The following PDE6C variants were observed in gnomAD, a reference collection of about 807,000 sequenced individuals.
PDE6C encodes the protein cone cGMP-specific 3',5'-cyclic phosphodiesterase subunit alpha'.
Under a neutral mutation model 113.1 loss-of-function variants are expected in PDE6C, and 75 were observed. That is an observed-to-expected ratio of 0.66 (90% CI 0.55 to 0.80). PDE6C has a LOEUF of 0.80. Among genes scored for constraint, PDE6C ranks in the 30% least tolerant of loss-of-function variants. The pLI is 0.00. For missense variants in PDE6C, 912 were observed against 1,038.6 expected, an observed-to-expected ratio of 0.88 and a Z score of 1.67; for synonymous variants, 375 against 363.7, an observed-to-expected ratio of 1.03 and a Z score of -0.35.
chr10:93,638,283 G>A (rs541275304), intron 11 of PDE6C, among the ~76,000 whole-genome samples: 5 of 152,206 alleles, frequency 3.3e-5, no homozygotes, highest in East Asian at 1.9e-4. Context: ...CTCCCACCCA[G>A]GGCCTTTGCT....
At chr10:93,638,108 T>C (rs2058542649) in intron 11 of PDE6C, among the ~76,000 whole-genome samples, 1 of 152,208 alleles carries the variant, frequency 6.6e-6, no homozygotes, top group Admixed American at 6.5e-5. Flanking sequence ...TTCAGAGGAT[T>C]GAATTCCTTC....
intron 8 of PDE6C, among the ~76,000 whole-genome samples, chr10:93,632,964 T>A (rs2058508934): frequency 6.6e-6 from 1 of 152,148 alleles, no homozygotes; most frequent in Non-Finnish European, 1.5e-5. Flanking sequence ...CTTTATGAGT[T>A]AGAAAAATTA....
intron 16 of PDE6C, among the ~76,000 whole-genome samples, chr10:93,657,012 A>C (rs2058640755): frequency 6.6e-6 from 1 of 152,190 alleles, no homozygotes; most frequent in Non-Finnish European, 1.5e-5. Flanking sequence ...GGAGAAAAAA[A>C]CTAGTGATGC....
intron 15 of PDE6C, among the ~76,000 whole-genome samples, chr10:93,647,140 ATG>A (rs1207349608): frequency 6.6e-6 from 1 of 152,108 alleles, no homozygotes; most frequent in African/African-American, 2.4e-5. Context: ...AAAGTTGTGG[ATG>A]TTGTCTAATT....
At chr10:93,623,141 G>A (rs1276420649) in intron 4 of PDE6C, among the ~76,000 whole-genome samples, 2 of 152,200 alleles carry the variant, frequency 1.3e-5, no homozygotes, top group East Asian at 1.9e-4. Context: ...GGTATTAGCA[G>A]TTGCTGATGT....
chr10:93,652,220 G>A (rs1213618121), intron 15 of PDE6C, among the ~76,000 whole-genome samples: 1 of 152,116 alleles, frequency 6.6e-6, no homozygotes, highest in Non-Finnish European at 1.5e-5. Flanking sequence ...TGGCCAAAAC[G>A]TTTATCAGAC....
At chr10:93,622,288 G>GGTTT (rs2058450418) in intron 4 of PDE6C, among the ~76,000 whole-genome samples, 1 of 149,056 alleles carries the variant, frequency 6.7e-6, no homozygotes, top group Admixed American at 6.7e-5. Context: ...CAGCAAGTCT[G>GGTTT]TTTTTTTTTT....
intron 21 of PDE6C, among the ~76,000 whole-genome samples, chr10:93,665,081 C>A (rs183546716): frequency 1.7e-3 from 258 of 152,216 alleles, no homozygotes; most frequent in Non-Finnish European, 2.2e-3. Flanking sequence ...ATTGACCAGG[C>A]TGGTCTTGCA....
chr10:93,655,560 G>A (rs936301247), intron 15 of PDE6C, among the ~76,000 whole-genome samples, 200 bp from the exon 16 acceptor site: 2 of 126,034 alleles, frequency 1.6e-5, no homozygotes, highest in African/African-American at 6.1e-5. Flanking sequence ...CTTACTTAAA[G>A]TATAGTAGAG....
intron 7 of PDE6C, 78 bp from the exon 8 acceptor site, chr10:93,629,180 C>A: frequency 8.3e-7 from 1 of 1,212,042 alleles, no homozygotes; most frequent in Non-Finnish European, 1.2e-6. Context: ...CCAATGCGTT[C>A]TTTCTTATTC....
chr10:93,626,243 C>T (rs2058472475), intron 5 of PDE6C, among the ~76,000 whole-genome samples: 1 of 152,158 alleles, frequency 6.6e-6, no homozygotes, highest in Non-Finnish European at 1.5e-5. Context: ...TAATGTAAAA[C>T]TGACTACAGT....
chr10:93,639,481 T>C (rs1564800964), intron 11 of PDE6C, among the ~76,000 whole-genome samples: 1 of 152,236 alleles, frequency 6.6e-6, no homozygotes, highest in Admixed American at 6.5e-5. Context: ...AGTATACCTA[T>C]GTACTGCAGG....
At chr10:93,633,465 C>CAAAA (rs111369291) in intron 8 of PDE6C, among the ~76,000 whole-genome samples, 6 of 87,306 alleles carry the variant, frequency 6.9e-5, no homozygotes, top group Non-Finnish European at 7.9e-5. Context: ...GACCCTGTCT[C>CAAAA]AAAAAAAAAA....
intron 14 of PDE6C, among the ~76,000 whole-genome samples, chr10:93,645,153 T>G (rs1589701280): frequency 6.6e-6 from 1 of 152,118 alleles, no homozygotes; most frequent in Non-Finnish European, 1.5e-5. Flanking sequence ...TTTAAAAATC[T>G]CTAATGCCAA....
At chr10:93,629,017 G>C (rs1030673871) in intron 7 of PDE6C, among the ~76,000 whole-genome samples, 1 of 152,182 alleles carries the variant, frequency 6.6e-6, no homozygotes, top group Non-Finnish European at 1.5e-5. Context: ...CTGGAGTCTG[G>C]GGGAGTGGGA....
At chr10:93,661,831 T>C (rs768101354) in intron 18 of PDE6C, among the ~76,000 whole-genome samples, 4 of 152,182 alleles carry the variant, frequency 2.6e-5, no homozygotes, top group African/African-American at 7.2e-5. Flanking sequence ...AAATGGGAGA[T>C]AGATACTCCT....
chr10:93,616,903 AG>A (rs1332193767), intron 1 of PDE6C, among the ~76,000 whole-genome samples: 4 of 152,148 alleles, frequency 2.6e-5, no homozygotes, highest in Non-Finnish European at 1.5e-5. Context: ...CTGCCCACAT[AG>A]GCCTCCCAAA....
intron 21 of PDE6C, among the ~76,000 whole-genome samples, chr10:93,663,828 G>C (rs957704304): frequency 6.6e-5 from 10 of 152,254 alleles, no homozygotes; most frequent in Admixed American, 5.9e-4. Context: ...TAGTTCATCA[G>C]ATGGCCCAAA....
chr10:93,653,370 C>T (rs931931510), intron 15 of PDE6C, among the ~76,000 whole-genome samples: 4 of 152,086 alleles, frequency 2.6e-5, no homozygotes, highest in South Asian at 2.1e-4. Context: ...GGTCCAGGCA[C>T]GGTGGCTCAT....
Sources: allele counts gnomAD v4.1 joint callset (sites outside exome capture counted in the v4.1 genomes callset), GRCh38; gene constraint gnomAD v4.1.1; transcripts MANE v1.5; gene names NCBI Gene and HGNC (gene_info 2026-07-23, HGNC 2026-07-21).